HHAT: variants seen among roughly 807,000 people sequenced by gnomAD.
The protein encoded by HHAT is hedgehog acyltransferase.
Under a neutral mutation model 70.8 loss-of-function variants are expected in HHAT, and 47 were observed. The ratio of observed to expected loss-of-function variants is 0.66; its 90% confidence interval spans 0.53 to 0.85. HHAT has a LOEUF of 0.85. Ranked by LOEUF, HHAT falls within the 40% of genes least tolerant of loss-of-function variation. HHAT has a pLI of 0.00. For missense variants in HHAT, 609 were observed against 604.8 expected, an observed-to-expected ratio of 1.01 and a Z score of -0.07; for synonymous variants, 228 against 247.6, an observed-to-expected ratio of 0.92 and a Z score of 0.74.
intron 8 of HHAT, among the ~76,000 whole-genome samples, chr1:210,491,786 G>A (rs1463095574): frequency 2.0e-5 from 3 of 151,990 alleles, no homozygotes; most frequent in Admixed American, 2.0e-4. Context: ...TGTTTGAGAT[G>A]GAGTCTCACT....
chr1:210,623,939 C>T (rs554683774), intron 11 of HHAT, among the ~76,000 whole-genome samples: 3 of 152,154 alleles, frequency 2.0e-5, no homozygotes, highest in South Asian at 2.1e-4. Context: ...TGTATATTCC[C>T]TTCCATTACA....
chr1:210,364,235 C>T (rs949607281), intron 3 of HHAT, among the ~76,000 whole-genome samples: 2 of 152,152 alleles, frequency 1.3e-5, no homozygotes, highest in East Asian at 3.9e-4. Context: ...TTAAATAAGC[C>T]CTTTTTAGGA....
chr1:210,654,539 T>G (rs1675976516), intron 11 of HHAT, among the ~76,000 whole-genome samples: 1 of 152,254 alleles, frequency 6.6e-6, no homozygotes, highest in African/African-American at 2.4e-5. Context: ...ATTTATTGTT[T>G]TACATCAGAT....
At chr1:210,669,978 AAGG>A (rs1679756908) in intron 11 of HHAT, among the ~76,000 whole-genome samples, 1 of 152,050 alleles carries the variant, frequency 6.6e-6, no homozygotes, top group Non-Finnish European at 1.5e-5. Context: ...GAAAGCCTGG[AAGG>A]AGAATACCCA....
chr1:210,535,890 C>T (rs995789357), intron 9 of HHAT, among the ~76,000 whole-genome samples: 8 of 152,156 alleles, frequency 5.3e-5, no homozygotes, highest in Admixed American at 4.6e-4. Context: ...TAGCATGGCC[C>T]CTTTAGCTCT....
intron 9 of HHAT, among the ~76,000 whole-genome samples, chr1:210,538,134 G>T (rs919731526): frequency 6.7e-6 from 1 of 148,916 alleles, no homozygotes; most frequent in Non-Finnish European, 1.5e-5. Context: ...ATTGTATCCC[G>T]TAATTTGCTA....
chr1:210,584,346 T>G (rs1659953538), intron 9 of HHAT, among the ~76,000 whole-genome samples: 1 of 152,138 alleles, frequency 6.6e-6, no homozygotes, highest in Non-Finnish European at 1.5e-5. Flanking sequence ...TCTGTACAGT[T>G]TCCTTAAAGA....
chr1:210,531,730 C>A (rs776928144), intron 9 of HHAT, among the ~76,000 whole-genome samples: 3 of 152,154 alleles, frequency 2.0e-5, no homozygotes, highest in Non-Finnish European at 2.9e-5. Context: ...TATGAAAATG[C>A]CTCTCACAGG....
intron 1 of HHAT, among the ~76,000 whole-genome samples, chr1:210,333,727 G>A (rs146077856): frequency 0.028 from 4,311 of 151,390 alleles, 176 homozygotes; most frequent in African/African-American, 0.097. Flanking sequence ...GCATGATCTC[G>A]GCTCACTGCA....
Position 210,473,207 on chromosome 1 carries a change from A to G in HHAT, c.1007+8552A>G, listed in dbSNP as rs149933736. ...ACTTTAATTTCTTTCAGGGCCTGCT[A>G]TCTGTCATGTAATGCTATACTAGAG... On this transcript the variant is annotated intron_variant, in intron 8 of 11. Coordinates refer to ENST00000261458, the MANE Select transcript of HHAT (RefSeq NM_018194.6). 2.7e-3 allele frequency among the ~76,000 whole-genome samples: 415 copies of G among 152,318 alleles called. 2 individuals carry two copies. Among genetic ancestry groups the G allele is most frequent in the Admixed American group, 4.4e-3 (68 of 15,310 alleles).
chr1:210,648,620 C>A (rs1169833004), intron 11 of HHAT, among the ~76,000 whole-genome samples: 1 of 151,356 alleles, frequency 6.6e-6, no homozygotes, highest in Non-Finnish European at 1.5e-5. Flanking sequence ...TCCCAAGACC[C>A]TAAATTTATA....
chr1:210,471,572 A>G (rs924286352), intron 8 of HHAT, among the ~76,000 whole-genome samples: 1 of 152,244 alleles, frequency 6.6e-6, no homozygotes, highest in Admixed American at 6.5e-5. Flanking sequence ...AAGATGAGGA[A>G]CTGGATGCAA....
In HHAT at chr1:210,338,654, CAGAG is replaced by C. The variant is rs555926235; in HGVS notation, c.-44+9553_-44+9556del. On this transcript the variant is annotated intron_variant, in intron 1 of 11. Transcript: ENST00000261458. ...TTTTACAGATAAGGAAATTGAGGCT[CAGAG>C]AGGTTGTGCACCTTGTCCTAGGTCA... 2.3e-3 allele frequency among the ~76,000 whole-genome samples: 355 copies of C among 152,244 alleles called. 2 individuals carry two copies. Among genetic ancestry groups the C allele is most frequent in the African/African-American group, 8.3e-3 (343 of 41,542 alleles).
rs71146233 is a variant in HHAT, at chr1:210,569,373, C to CAAAAAAAAAAAAAAAAAAAAAAAAAAAA, written c.1044-18499_1044-18498insAAAAAAAAAAAAAAAAAAAAAAAAAAAA. On this transcript the variant is annotated intron_variant, in intron 9 of 11. Transcript: ENST00000261458. Reference sequence around the variant, plus strand: ...CGGGCGACAGAGCCAGAGTCTGCCTCAAAAAAAAAAAAAAAAAAAAAAAAA... The same window carrying CAAAAAAAAAAAAAAAAAAAAAAAAAAAA: ...CGGGCGACAGAGCCAGAGTCTGCCTCAAAAAAAAAAAAAAAAAAAAAAAAAAAAAAAAAAAAAAAAAAAAAAAAAAAAA... Among the ~76,000 whole-genome samples the CAAAAAAAAAAAAAAAAAAAAAAAAAAAA allele has an allele frequency of 4.9e-4, 14 of 28,344 alleles. 4 individuals carry two copies. The highest frequency in any genetic ancestry group is 1.4e-3 in the Admixed American group (2 of 1,474). 18.6% of individuals were successfully genotyped at this position (28,344 alleles called of 152,430 possible). A position where few individuals can be genotyped will look rare whatever the true frequency, so the allele number is the denominator to read the frequency against.
rs2084752237 is a variant in HHAT, at chr1:210,329,096, A to G, written c.-52A>G. On this transcript the variant is annotated 5_prime_UTR_variant, in exon 1 of 12. Transcript: ENST00000261458. ...CGTTGCCGTCGCCGCCGCCCGGGAC[A>G]GCCCGGAGGTTGGTAACTGGTGACC... is the stretch of plus-strand genomic sequence containing the variant. The G allele has an allele frequency of 7.2e-7, 1 of 1,396,964 alleles. No homozygotes were observed. The highest frequency in any genetic ancestry group is 3.1e-5 in the East Asian group (1 of 32,690). 86.5% of individuals were successfully genotyped at this position (1,396,964 alleles called of 1,614,324 possible).
At chr1:210,481,469 G>C (rs2094395543) in intron 8 of HHAT, among the ~76,000 whole-genome samples, 1 of 152,152 alleles carries the variant, frequency 6.6e-6, no homozygotes, top group African/African-American at 2.4e-5. Flanking sequence ...ACGCTAGACA[G>C]CACTTCATTA....
chr1:210,489,169 T>C (rs1054669311), intron 8 of HHAT, among the ~76,000 whole-genome samples: 1 of 152,246 alleles, frequency 6.6e-6, no homozygotes, highest in Non-Finnish European at 1.5e-5. Context: ...GGTACAACTT[T>C]ATTTAAATGC....
chr1:210,374,088 A>AATCAC (rs2089886593), intron 3 of HHAT: 1 of 152,136 alleles, frequency 6.6e-6, no homozygotes, highest in Non-Finnish European at 1.5e-5. Context: ...AGTGACAATG[A>AATCAC]ATCACTTAAG....
In HHAT at chr1:210,532,902, T is replaced by G. The variant is rs2095329735; in HGVS notation, c.1043+19714T>G. On this transcript the variant is annotated intron_variant, in intron 9 of 11. Coordinates refer to ENST00000261458, the MANE Select transcript of HHAT (RefSeq NM_018194.6). ...GGGCAATGTGGAGAAAGGGACACAT[T>G]CTTAAGGACAATATTTATAATGGAA... Among the ~76,000 whole-genome samples, 3 of 152,332 alleles carry G rather than the reference T, an allele frequency of 2.0e-5. No homozygotes were observed. In the South Asian group the frequency reaches 6.2e-4, roughly 32 times the overall value.
Sources: allele counts gnomAD v4.1 joint callset (sites outside exome capture counted in the v4.1 genomes callset), GRCh38; gene constraint gnomAD v4.1.1; transcripts MANE v1.5; gene names NCBI Gene and HGNC (gene_info 2026-07-23, HGNC 2026-07-21).